Variants in GRIK2 observed in about 807,000 individuals in gnomAD.
GRIK2 encodes the protein glutamate ionotropic receptor kainate type subunit 2.
In GRIK2, 32 loss-of-function variants were observed where a neutral mutation model predicts 100.3. That is an observed-to-expected ratio of 0.32 (90% CI 0.24 to 0.43). The LOEUF (loss-of-function observed/expected upper bound fraction) is 0.43. GRIK2 is among the 20% of genes least tolerant of loss of function. The pLI is 1.00. For missense variants in GRIK2, 843 were observed against 1,114.9 expected (o/e 0.76, Z 3.47); for synonymous variants, 417 against 389.4 (o/e 1.07, Z -0.83).
At chr6:102,058,615 C>T (rs1031515065) in intron 16 of GRIK2, among the ~76,000 whole-genome samples, 6 of 151,416 alleles carry the variant, frequency 4.0e-5, no homozygotes, top group Non-Finnish European at 5.9e-5. Flanking sequence ...TAACACATTA[C>T]TTAATTTATT....
At chr6:101,638,841 G>C (rs1304408782) in intron 4 of GRIK2, among the ~76,000 whole-genome samples, 1 of 151,870 alleles carries the variant, frequency 6.6e-6, no homozygotes, top group African/African-American at 2.4e-5. Flanking sequence ...AAATTAATTA[G>C]CTAGGTGTGG....
At chr6:102,034,984 T>C (rs560589676) in intron 14 of GRIK2, among the ~76,000 whole-genome samples, 210 of 151,436 alleles carry the variant, frequency 1.4e-3, no homozygotes, top group African/African-American at 4.7e-3. Context: ...TTGACAAATA[T>C]GAAATACTCA....
At position 101,410,093 on chromosome 6, in the gene GRIK2, A is replaced by T. The variant is rs148123986; in HGVS notation, c.115+10701A>T. 4.5e-3 allele frequency among the ~76,000 whole-genome samples: 680 copies of T among 152,218 alleles called. 6 individuals are homozygous for T. The highest frequency in any genetic ancestry group is 0.016 in the African/African-American group (646 of 41,562). ...TAATTGGTGTTCTCAAATATATACA[A>T]CATCAGAAGAAACAAACCAAAACTG... On this transcript the variant is annotated intron_variant, in intron 2 of 16. Transcript: ENST00000369134.
In GRIK2 at chr6:101,598,626, T is replaced by TG. The variant is rs746132562; in HGVS notation, c.116-23323_116-23322insG. ...AAAAAAAAAAAGAAAGAAAAAAAAT[T>TG]TAAAAAAAAGGAAAAGGAAAACCAA... On this transcript the variant is annotated intron_variant, in intron 2 of 16. Coordinates refer to ENST00000369134, the MANE Select transcript of GRIK2 (RefSeq NM_021956.5). Among the ~76,000 whole-genome samples the TG allele has an allele frequency of 3.9e-3, 558 of 143,292 alleles. 1 individual carries two copies. The highest frequency in any genetic ancestry group is 0.013 in the African/African-American group (531 of 40,028). 94.0% of individuals were successfully genotyped at this position (143,292 alleles called of 152,430 possible).
At chr6:101,795,010 C>T (rs1396688025) in intron 7 of GRIK2, among the ~76,000 whole-genome samples, 1 of 151,890 alleles carries the variant, frequency 6.6e-6, no homozygotes, top group African/African-American at 2.4e-5. Context: ...GAATTACAGG[C>T]CCACAGCTAC....
chr6:101,586,102 C>T (rs928760936), intron 2 of GRIK2, among the ~76,000 whole-genome samples: 16 of 151,848 alleles, frequency 1.1e-4, no homozygotes, highest in African/African-American at 1.9e-4. Flanking sequence ...TGAAGCTGGG[C>T]GCCTACACCT....
chr6:101,465,463 G>A (rs2518233), intron 2 of GRIK2, among the ~76,000 whole-genome samples: 40,069 of 152,028 alleles, frequency 0.26, 5,920 homozygotes, highest in East Asian at 0.36. Flanking sequence ...TTTTTAAATG[G>A]CTGAATAGTA....
chr6:101,980,895 T>TG (rs1793677590), intron 14 of GRIK2, among the ~76,000 whole-genome samples: 1 of 149,970 alleles, frequency 6.7e-6, no homozygotes, highest in Non-Finnish European at 1.5e-5. Context: ...TTTTTCCTTT[T>TG]TTTTTTTTTT....
At position 101,589,921 on chromosome 6, in the gene GRIK2, G is replaced by A. The variant is rs182350923; in HGVS notation, c.116-32028G>A. ...ACTAATTCAACTTGTTTACCTACTT[G>A]AAGGGGAAACTAATAATAACCTGGA... is the stretch of plus-strand genomic sequence containing the variant. On this transcript the variant is annotated intron_variant, in intron 2 of 16. Coordinates refer to ENST00000369134, the MANE Select transcript of GRIK2 (RefSeq NM_021956.5). 7.1e-4 allele frequency among the ~76,000 whole-genome samples: 108 copies of A among 152,182 alleles called. 1 individual carries two copies. Among genetic ancestry groups the A allele is most frequent in the Non-Finnish European group, 1.2e-3 (84 of 67,980 alleles).
chr6:101,410,578 G>C (rs925379310), intron 2 of GRIK2, among the ~76,000 whole-genome samples: 9 of 152,090 alleles, frequency 5.9e-5, no homozygotes, highest in African/African-American at 1.9e-4. Flanking sequence ...GGAGAGACAA[G>C]AGAGGACAAC....
At chr6:101,524,417 A>G (rs979473203) in intron 2 of GRIK2, among the ~76,000 whole-genome samples, 2 of 152,204 alleles carry the variant, frequency 1.3e-5, no homozygotes, top group Admixed American at 6.5e-5. Context: ...AATCACAGAT[A>G]TATAATTTCT....
chr6:102,055,463 GGGGGTTCAGAATATT>G lies in GRIK2; in HGVS notation c.2448_2462del (p.Val817_Gly821del). 1 of 1,613,626 alleles carries G rather than the reference GGGGGTTCAGAATATT, an allele frequency of 6.2e-7. No homozygotes were observed. Among genetic ancestry groups the G allele is most frequent in the Non-Finnish European group, 8.5e-7 (1 of 1,179,680 alleles). On this transcript the variant is annotated inframe_deletion, in exon 16 of 17. Transcript: ENST00000369134. ...AGGAGAGCAAAGAGGCCAGTGCCCT[GGGGGTTCAGAATATT>G]GGTGGCATCTTCATTGTTCTGGCAG...
intron 2 of GRIK2, among the ~76,000 whole-genome samples, chr6:101,480,120 A>T (rs1406348205): frequency 6.6e-6 from 1 of 152,150 alleles, no homozygotes; most frequent in African/African-American, 2.4e-5. Flanking sequence ...TATATGCTCA[A>T]GTTCATTCTA....
At position 101,401,293 on chromosome 6, in the gene GRIK2, C is replaced by T. The variant is rs779167141; in HGVS notation, c.115+1901C>T. ...TGCTGAATCACTAGATTGTTACACT[C>T]GCTGATCATTTCATATCTTCATATT... On this transcript the variant is annotated intron_variant, in intron 2 of 16. Transcript: ENST00000369134. Among the ~76,000 whole-genome samples the T allele has an allele frequency of 1.3e-4, 20 of 152,132 alleles. 1 individual carries two copies. The highest frequency in any genetic ancestry group is 1.1e-3 in the Admixed American group (17 of 15,276).
intron 14 of GRIK2, among the ~76,000 whole-genome samples, chr6:101,991,391 GT>G (rs35883376): frequency 2.1e-4 from 31 of 146,452 alleles, no homozygotes; most frequent in Middle Eastern, 3.5e-3. Context: ...TATTTGCTAT[GT>G]TTTTTTTTTT....
intron 10 of GRIK2, among the ~76,000 whole-genome samples, chr6:101,849,531 C>T (rs1423353837): frequency 6.6e-6 from 1 of 152,038 alleles, no homozygotes; most frequent in Non-Finnish European, 1.5e-5. Context: ...CAGCCTTCTA[C>T]TTTCAATCAA....
At chr6:101,723,916 C>A (rs928127726) in intron 7 of GRIK2, among the ~76,000 whole-genome samples, 1 of 151,674 alleles carries the variant, frequency 6.6e-6, no homozygotes, top group Non-Finnish European at 1.5e-5. Flanking sequence ...TTCTTGTTAT[C>A]TTTTTCTTAT....
chr6:101,783,622 G>A (rs1287927212), intron 7 of GRIK2, among the ~76,000 whole-genome samples: 3 of 152,196 alleles, frequency 2.0e-5, no homozygotes, highest in Non-Finnish European at 4.4e-5. Context: ...AAGTACACAG[G>A]AAAGTGGGGA....
chr6:101,893,778 A>G (rs942320983), intron 12 of GRIK2, among the ~76,000 whole-genome samples: 4 of 151,746 alleles, frequency 2.6e-5, no homozygotes, highest in Admixed American at 1.3e-4. Flanking sequence ...ACCCGTAAGT[A>G]CTAAGAGTTG....
Sources: allele counts gnomAD v4.1 joint callset (sites outside exome capture counted in the v4.1 genomes callset), GRCh38; gene constraint gnomAD v4.1.1; transcripts MANE v1.5; gene names NCBI Gene and HGNC (gene_info 2026-07-23, HGNC 2026-07-21).